Variants in GPRIN3 observed in about 807,000 individuals in gnomAD.
The protein encoded by GPRIN3 is G protein-regulated inducer of neurite outgrowth 3.
GPRIN3 carries 12 observed loss-of-function variants against 13.7 expected under a neutral mutation model. The observed-to-expected ratio is 0.87, with a 90% CI of 0.56 to 1.42. The LOEUF (loss-of-function observed/expected upper bound fraction) is 1.42. GPRIN3 is among the 40% of genes most tolerant of loss of function. The pLI, the probability that GPRIN3 is intolerant of heterozygous loss-of-function variation, is 0.00. For synonymous variants in GPRIN3, 377 were observed against 372.7 expected (o/e 1.01, Z -0.13); for missense variants, 1,009 against 958.7 (o/e 1.05, Z -0.69).
In GPRIN3 at chr4:89,247,029, C is replaced by T. The variant is rs1168280842; in HGVS notation, c.*751G>A. The T allele has an allele frequency of 2.0e-5, 3 of 152,154 alleles. No homozygotes were observed. Among genetic ancestry groups the T allele is most frequent in the Admixed American group, 6.5e-5 (1 of 15,288 alleles). The allele number at this position is 152,154 out of a possible 1,614,324, so 9.4% of individuals were successfully genotyped here. On this transcript the variant is annotated 3_prime_UTR_variant, in exon 2 of 2. Coordinates refer to ENST00000609438, the MANE Select transcript of GPRIN3 (RefSeq NM_198281.3). ...TCTGGTCAGAATCACAGAGATGCGC[C>T]TTGCCTTCAGTGCAGGAAAATGGGT...
intron 1 of GPRIN3, among the ~76,000 whole-genome samples, chr4:89,268,022 T>C (rs1323528491): frequency 6.6e-6 from 1 of 152,232 alleles, no homozygotes; most frequent in Admixed American, 6.5e-5. Flanking sequence ...AAAGTGGCTA[T>C]TACTGGGAGA....
At chr4:89,285,683 A>G (rs1724386544) in intron 1 of GPRIN3, among the ~76,000 whole-genome samples, 1 of 152,194 alleles carries the variant, frequency 6.6e-6, no homozygotes, top group Non-Finnish European at 1.5e-5. Context: ...AAATTTTACT[A>G]TCTCCTTTCT....
At chr4:89,252,183 G>A (rs1404660109) in intron 1 of GPRIN3, among the ~76,000 whole-genome samples, 1 of 151,996 alleles carries the variant, frequency 6.6e-6, no homozygotes, top group Non-Finnish European at 1.5e-5. Flanking sequence ...ATGTTGCCCA[G>A]GGTAGTCTTG....
chr4:89,252,578 T>A (rs992261036), intron 1 of GPRIN3, among the ~76,000 whole-genome samples: 20 of 152,208 alleles, frequency 1.3e-4, no homozygotes, highest in Non-Finnish European at 2.9e-4. Flanking sequence ...TCAAATCCGG[T>A]TGGACCTAGA....
rs1723255215 is a variant in GPRIN3 at position 89,249,598 on chromosome 4, A to G, written c.513T>C (p.Ser171=). 6.2e-7 allele frequency: 1 copy of G among 1,614,102 alleles called. No homozygotes were observed. Among genetic ancestry groups the G allele is most frequent in the East Asian group, 2.2e-5 (1 of 44,868 alleles). The change falls in exon 2 of 2, where the codon AGT becomes AGC. Residue 171 remains serine, a synonymous_variant. Coordinates refer to ENST00000609438, the MANE Select transcript of GPRIN3 (RefSeq NM_198281.3). The part of the protein sequence containing the change: ...TSNREQPEKP[S]CPVGGVLSSS... ...TACTGAGGACGCCTCCCACAGGACA[A>G]CTTGGTTTCTCAGGTTGCTCTCTAT...
Position 89,249,925 on chromosome 4 carries a change from G to C in GPRIN3, c.186C>G (p.Ala62=), listed in dbSNP as rs769417242. ...AEPDLSPRAA[A]EALMQVCEHE... Reference sequence around the variant, plus strand: ...GCTCACAAACCTGCATCAGGGCTTCGGCAGCTGCCCTGGGGCTGAGGTCTG... The same window carrying C: ...GCTCACAAACCTGCATCAGGGCTTCCGCAGCTGCCCTGGGGCTGAGGTCTG... Residue 62 remains alanine, a synonymous_variant, in exon 2 of 2, where the codon GCC becomes GCG. Transcript: ENST00000609438. 10 of 1,614,072 alleles carry C rather than the reference G, an allele frequency of 6.2e-6. No homozygotes were observed. The highest frequency in any genetic ancestry group is 2.2e-5 in the East Asian group (1 of 44,900).
intron 1 of GPRIN3, among the ~76,000 whole-genome samples, chr4:89,260,818 G>A (rs1173981538): frequency 6.6e-6 from 1 of 152,158 alleles, no homozygotes; most frequent in East Asian, 1.9e-4. Context: ...TTTCATTAAA[G>A]ATAAAATAAT....
chr4:89,280,595 A>C (rs1724218870), intron 1 of GPRIN3, among the ~76,000 whole-genome samples: 1 of 152,232 alleles, frequency 6.6e-6, no homozygotes. Context: ...TGTGTTGGAC[A>C]CTGTCCCCTA....
intron 1 of GPRIN3, among the ~76,000 whole-genome samples, chr4:89,258,518 C>T (rs768606193): frequency 6.6e-6 from 1 of 152,052 alleles, no homozygotes; most frequent in Admixed American, 6.5e-5. Context: ...CTGGCCAAAC[C>T]TGAGCATTTT....
intron 1 of GPRIN3, among the ~76,000 whole-genome samples, chr4:89,293,988 G>A (rs909110315): frequency 6.6e-6 from 1 of 152,148 alleles, no homozygotes; most frequent in Non-Finnish European, 1.5e-5. Context: ...AATGTACTGA[G>A]CCTAAGTATG....
In GPRIN3 at chr4:89,250,241, T is replaced by C. The variant is rs1293464265; in HGVS notation, c.-123-8A>G. The stretch of plus-strand genomic sequence containing the variant: ...TTCCTCTGAAGAACCAGCCTGTGAA[T>C]CAAGGAAACAGCATCATTAATACAG... On this transcript the variant is annotated splice_region_variant and splice_polypyrimidine_tract_variant and intron_variant, in intron 1 of 1. Transcript: ENST00000609438. 1 of 1,491,846 alleles carries C rather than the reference T, an allele frequency of 6.7e-7. No homozygotes were observed. Among genetic ancestry groups the C allele is most frequent in the Non-Finnish European group, 8.9e-7 (1 of 1,120,692 alleles). The allele number at this position is 1,491,846 out of a possible 1,614,324, so 92.4% of individuals were successfully genotyped here. A position where few individuals can be genotyped will look rare whatever the true frequency, so the allele number is the denominator to read the frequency against.
In GPRIN3 at chr4:89,247,655, A is replaced by G. The variant is rs1306015410; in HGVS notation, c.*125T>C. The stretch of plus-strand genomic sequence containing the variant: ...AAGGATCTAACAATTTTTAATAGCA[A>G]TTTCCTATAGTGAATACTTGCTTTT... On this transcript the variant is annotated 3_prime_UTR_variant, in exon 2 of 2. Coordinates refer to ENST00000609438, the MANE Select transcript of GPRIN3 (RefSeq NM_198281.3). The G allele has an allele frequency of 2.2e-6, 2 of 903,364 alleles. No individual in the cohort carries two copies. The highest frequency in any genetic ancestry group is 2.2e-5 in the South Asian group (1 of 44,700). The allele number at this position is 903,364 out of a possible 1,614,324, so 56.0% of individuals were successfully genotyped here. A position where few individuals can be genotyped will look rare whatever the true frequency, so the allele number is the denominator to read the frequency against.
chr4:89,249,987 TACAC>T lies in GPRIN3; in HGVS notation c.120_123del (p.Cys41ArgfsTer24). 1 of 1,614,216 alleles carries T rather than the reference TACAC, an allele frequency of 6.2e-7. No individual in the cohort carries two copies. Among genetic ancestry groups the T allele is most frequent in the South Asian group, 1.1e-5 (1 of 91,090 alleles). On this transcript the variant is annotated frameshift_variant, in exon 2 of 2. Transcript: ENST00000609438. LOFTEE classifies it low-confidence loss of function (END_TRUNC). ...GCACCTGAAAAGCCATTGGCATTCT[TACAC>T]AGGAGAGCTGGTCGATGCCGAGGTG...
At chr4:89,300,882 A>G (rs1724878228) in intron 1 of GPRIN3, among the ~76,000 whole-genome samples, 1 of 152,182 alleles carries the variant, frequency 6.6e-6, no homozygotes, top group Admixed American at 6.6e-5. Context: ...TTTAGCTCTG[A>G]CTAAAATTTT....
chr4:89,264,333 T>C (rs1723726971), intron 1 of GPRIN3, among the ~76,000 whole-genome samples: 1 of 152,220 alleles, frequency 6.6e-6, no homozygotes, highest in African/African-American at 2.4e-5. Context: ...CCTTTTGCCT[T>C]CTACCATGAG....
At chr4:89,274,145 T>C (rs909471012) in intron 1 of GPRIN3, among the ~76,000 whole-genome samples, 4 of 152,216 alleles carry the variant, frequency 2.6e-5, no homozygotes, top group Non-Finnish European at 4.4e-5. Context: ...ATTTCTCTCA[T>C]GAGAAAGAAT....
chr4:89,256,347 A>G (rs1215104130), intron 1 of GPRIN3, among the ~76,000 whole-genome samples: 1 of 152,182 alleles, frequency 6.6e-6, no homozygotes, highest in Non-Finnish European at 1.5e-5. Flanking sequence ...TGGTCACCTT[A>G]GGGAAAGTCC....
Position 89,281,742 on chromosome 4 carries a change from A to G in GPRIN3, c.-124+25873T>C, listed in dbSNP as rs557258667. On this transcript the variant is annotated intron_variant, in intron 1 of 1. Transcript: ENST00000609438. ...ACATTTCTGTTGTTTTAAGCCACCC[A>G]GTTTGTGGTATTTTGTTATGGCCAC... 2.0e-5 allele frequency among the ~76,000 whole-genome samples: 3 copies of G among 152,268 alleles called. No homozygotes were observed. In the South Asian group the frequency reaches 6.2e-4, roughly 32 times the overall value.
intron 1 of GPRIN3, among the ~76,000 whole-genome samples, chr4:89,295,317 C>A (rs770382117): frequency 4.6e-5 from 7 of 152,032 alleles, no homozygotes; most frequent in Admixed American, 6.5e-5. Context: ...TCTTATTTGT[C>A]CAAGATCTAC....
Sources: gnomAD v4.1 joint callset for allele counts (sites outside exome capture counted in the v4.1 genomes callset) on GRCh38, gnomAD v4.1.1 for gene constraint, MANE v1.5 for transcripts, NCBI Gene and HGNC (gene_info 2026-07-23, HGNC 2026-07-21) for gene names.